Variants in FERMT1 observed in about 807,000 individuals in gnomAD.
FERMT1 encodes the protein FERM domain containing kindlin 1.
A neutral mutation model predicts 85.3 loss-of-function variants in FERMT1; 60 were observed. That is an observed-to-expected ratio of 0.70 (90% CI 0.57 to 0.87). FERMT1 has a LOEUF of 0.87. Among genes scored for constraint, FERMT1 ranks in the 40% least tolerant of loss-of-function variants. The pLI, the probability that FERMT1 is intolerant of heterozygous loss-of-function variation, is 0.00. For missense variants in FERMT1, 701 were observed against 818.9 expected (o/e 0.86, Z 1.76); for synonymous variants, 275 against 301.1 (o/e 0.91, Z 0.90).
rs770860248 is a variant in FERMT1, at chr20:6,076,213, C to T, written c.*960G>A. ...GGGCAGCCAGTGGGGAGCTGTCAGA[C>T]CTTGGACATGGTGGTCTTTGAGAAT... On this transcript the variant is annotated 3_prime_UTR_variant, in exon 15 of 15. Coordinates refer to ENST00000217289, the MANE Select transcript of FERMT1 (RefSeq NM_017671.5). 2.4e-4 allele frequency: 76 copies of T among 315,476 alleles called. No homozygotes were observed. The highest frequency in any genetic ancestry group is 4.1e-4 in the Non-Finnish European group (66 of 159,290). The allele number at this position is 315,476 out of a possible 1,614,324, so 19.5% of individuals were successfully genotyped here.
At position 6,076,292 on chromosome 20, in the gene FERMT1, T is replaced by G. The variant is rs769454885; in HGVS notation, c.*881A>C. ...GGGATAGACACCTGACTGGAATCCT[T>G]GACACTGGCAGGTGTTTCTATGAAC... is the stretch of plus-strand genomic sequence containing the variant. On this transcript the variant is annotated 3_prime_UTR_variant, in exon 15 of 15. Transcript: ENST00000217289. The G allele has an allele frequency of 5.0e-5, 19 of 380,870 alleles. No homozygotes were observed. Among genetic ancestry groups the G allele is most frequent in the South Asian group, 4.0e-5 (2 of 50,198 alleles). The allele number at this position is 380,870 out of a possible 1,614,324, so 23.6% of individuals were successfully genotyped here. A position where few individuals can be genotyped will look rare whatever the true frequency, so the allele number is the denominator to read the frequency against.
At chr20:6,092,631 C>T (rs1600433365) in intron 9 of FERMT1, among the ~76,000 whole-genome samples, 1 of 152,194 alleles carries the variant, frequency 6.6e-6, no homozygotes, top group South Asian at 2.1e-4. Flanking sequence ...CACAGAACCC[C>T]ATGCAAGGAT....
chr20:6,091,809 T>A (rs749564459), intron 9 of FERMT1, among the ~76,000 whole-genome samples: 3 of 152,134 alleles, frequency 2.0e-5, no homozygotes, highest in Non-Finnish European at 4.4e-5. Flanking sequence ...TTAACAAAGC[T>A]AATCATTGCT....
Position 6,089,106 on chromosome 20 carries a change from A to G in FERMT1, c.1140-17T>C. The G allele has an allele frequency of 1.2e-6, 2 of 1,609,302 alleles. No individual in the cohort carries two copies. Among genetic ancestry groups the G allele is most frequent in the East Asian group, 2.2e-5 (1 of 44,786 alleles). Reference sequence around the variant, plus strand: ...TTCTTGGGCCTGCAAATTCAAAGATAGTGAATGTTTAAACCACCACCCAGA... The same window carrying G: ...TTCTTGGGCCTGCAAATTCAAAGATGGTGAATGTTTAAACCACCACCCAGA... On this transcript the variant is annotated splice_polypyrimidine_tract_variant and intron_variant, in intron 9 of 14. Coordinates refer to ENST00000217289, the MANE Select transcript of FERMT1 (RefSeq NM_017671.5).
Position 6,114,813 on chromosome 20 carries a change from C to A in FERMT1, c.385+998G>T, listed in dbSNP as rs75685673. Among the ~76,000 whole-genome samples the A allele has an allele frequency of 5.2e-3, 797 of 152,336 alleles. 12 individuals are homozygous for A. The highest frequency in any genetic ancestry group is 0.018 in the African/African-American group (752 of 41,592). ...CCTGGCATTCCCAATCCTGCTCATACTTTTTCTCTTTTTTGGGGTACTATC... is the reference window on the plus strand; with the variant it reads ...CCTGGCATTCCCAATCCTGCTCATAATTTTTCTCTTTTTTGGGGTACTATC... On this transcript the variant is annotated intron_variant, in intron 3 of 14. Coordinates refer to ENST00000217289, the MANE Select transcript of FERMT1 (RefSeq NM_017671.5).
chr20:6,097,482 G>T (rs1982538737), intron 7 of FERMT1, 42 bp downstream of exon 7: 1 of 1,384,812 alleles, frequency 7.2e-7, no homozygotes, highest in Non-Finnish European at 1.0e-6. Flanking sequence ...GAACAAACTT[G>T]GTTTGTCTCC....
chr20:6,114,020 C>A lies in FERMT1; in HGVS notation c.386-1397G>T, dbSNP rs115627042. Among the ~76,000 whole-genome samples the A allele has an allele frequency of 3.9e-3, 595 of 152,266 alleles. 2 individuals carry two copies. Among genetic ancestry groups the A allele is most frequent in the African/African-American group, 0.014 (579 of 41,550 alleles). ...CCAGGTAAAAACCAATTAATTTGGA[C>A]TTTTAGTTTCTGAGCAGCTTTGTTG... On this transcript the variant is annotated intron_variant, in intron 3 of 14. Transcript: ENST00000217289.
intron 3 of FERMT1, among the ~76,000 whole-genome samples, chr20:6,113,231 C>T (rs918667293): frequency 1.3e-5 from 2 of 152,194 alleles, no homozygotes; most frequent in Non-Finnish European, 2.9e-5. Flanking sequence ...ACTTGCTCCT[C>T]CTTGCCTTCC....
rs1983089803 is a variant in FERMT1 at position 6,116,068 on chromosome 20, A to G, written c.152-24T>C. On this transcript the variant is annotated intron_variant, in intron 2 of 14. Coordinates refer to ENST00000217289, the MANE Select transcript of FERMT1 (RefSeq NM_017671.5). The stretch of plus-strand genomic sequence containing the variant: ...ATCTGCAAAAATGAAAGCACAATTA[A>G]GTAAAATGAGAGAGGGCCCAGCTTG... 3.2e-6 allele frequency: 5 copies of G among 1,558,602 alleles called. No homozygotes were observed. The East Asian group carries it at 1.1e-4, about 35-fold the overall frequency.
Position 6,089,028 on chromosome 20 carries a change from T to G in FERMT1, c.1201A>C (p.Ile401Leu). ...QYWFIFKDTS[I>L]AYFKNKELEQ... Reference sequence around the variant, plus strand: ...AGTTCCTTATTTTTAAAGTATGCTATGGATGTGTCTTTAAAGATAAACCAA... The same window carrying G: ...AGTTCCTTATTTTTAAAGTATGCTAGGGATGTGTCTTTAAAGATAAACCAA... Residue 401 changes from isoleucine to leucine, a missense_variant, in exon 10 of 15, where the codon ATA becomes CTA. Ile to Leu is a conservative substitution (Grantham distance 5, BLOSUM62 2). Coordinates refer to ENST00000217289, the MANE Select transcript of FERMT1 (RefSeq NM_017671.5). 1 of 1,611,464 alleles carries G rather than the reference T, an allele frequency of 6.2e-7. No homozygotes were observed. Among genetic ancestry groups the G allele is most frequent in the Non-Finnish European group, 8.5e-7 (1 of 1,177,804 alleles).
At chr20:6,095,801 C>G (rs957052986) in intron 8 of FERMT1, among the ~76,000 whole-genome samples, 1 of 152,172 alleles carries the variant, frequency 6.6e-6, no homozygotes, top group Admixed American at 6.5e-5. Flanking sequence ...AGTATTTGCT[C>G]CTGAATGAGA....
chr20:6,085,127 A>T lies in FERMT1; in HGVS notation c.1532T>A (p.Met511Lys), dbSNP rs1433803696. 5 of 1,614,200 alleles carry T rather than the reference A, an allele frequency of 3.1e-6. No individual in the cohort carries two copies. The Admixed American group carries it at 6.7e-5, about 22-fold the overall frequency. The change falls in exon 12 of 15, where the codon ATG becomes AAG. Residue 511 changes from methionine (M) to lysine (K), a missense_variant. Coordinates refer to ENST00000217289, the MANE Select transcript of FERMT1 (RefSeq NM_017671.5). ...CACAAAACATTCTGGGTTCATATCC[A>T]TGTTTTCGAGACTGGAAGCCACCTG... ...ASQVASSLEN[M>K]DMNPECFVSP...
intron 1 of FERMT1, among the ~76,000 whole-genome samples, chr20:6,121,132 G>GT (rs973130253): frequency 2.6e-4 from 39 of 151,674 alleles, no homozygotes; most frequent in East Asian, 1.2e-3. Flanking sequence ...TTTTGTTTTT[G>GT]TTTTTTTTGA....
At chr20:6,118,770 A>G (rs1482404300) in intron 2 of FERMT1, among the ~76,000 whole-genome samples, 1 of 151,448 alleles carries the variant, frequency 6.6e-6, no homozygotes, top group Non-Finnish European at 1.5e-5. Flanking sequence ...GTGTTGAAAA[A>G]CTCCTCAGCA....
chr20:6,119,820 C>G (rs181601348), intron 1 of FERMT1, among the ~76,000 whole-genome samples: 1 of 152,310 alleles, frequency 6.6e-6, no homozygotes, highest in Admixed American at 6.5e-5. Flanking sequence ...ACCCACTTCT[C>G]CAAGACCACT....
At position 6,115,953 on chromosome 20, in the gene FERMT1, C is replaced by T. The variant is rs764556729; in HGVS notation, c.243G>A (p.Gly81=). The T allele has an allele frequency of 7.4e-6, 12 of 1,613,968 alleles. No individual in the cohort carries two copies. The Admixed American group carries it at 1.5e-4, about 20-fold the overall frequency. Residue 81 remains glycine, a synonymous_variant, in exon 3 of 15, where the codon GGG becomes GGA. Transcript: ENST00000217289. ...LKTHWTLDKY[G]VQADAKLLFT... ...AGAGAAGCTTTGCATCTGCCTGGAC[C>T]CCATATTTGTCCAGGGTCCAGTGGG... is the stretch of plus-strand genomic sequence containing the variant.
At chr20:6,118,915 G>A (rs560068853) in intron 2 of FERMT1, among the ~76,000 whole-genome samples, 1 of 151,968 alleles carries the variant, frequency 6.6e-6, no homozygotes, top group East Asian at 1.9e-4. Flanking sequence ...TATACCTACT[G>A]GGAAATTTAG....
chr20:6,082,242 A>G (rs1982017540), intron 13 of FERMT1, among the ~76,000 whole-genome samples: 1 of 152,208 alleles, frequency 6.6e-6, no homozygotes, highest in South Asian at 2.1e-4. Context: ...TCAGGCCCAC[A>G]CCACGCTTCA....
intron 5 of FERMT1, among the ~76,000 whole-genome samples, chr20:6,109,214 A>G (rs764743975): frequency 6.6e-6 from 1 of 152,178 alleles, no homozygotes; most frequent in Non-Finnish European, 1.5e-5. Context: ...TAAAGGGACA[A>G]TGTGATGTTG....
Sources: gnomAD v4.1 joint callset for allele counts (sites outside exome capture counted in the v4.1 genomes callset) on GRCh38, gnomAD v4.1.1 for gene constraint, MANE v1.5 for transcripts, NCBI Gene and HGNC (gene_info 2026-07-23, HGNC 2026-07-21) for gene names.